Variants in SEZ6L observed in about 807,000 individuals in gnomAD.
The protein encoded by SEZ6L is seizure related 6 homolog like.
A neutral mutation model predicts 106.2 loss-of-function variants in SEZ6L; 37 were observed. The observed-to-expected ratio is 0.35, with a 90% CI of 0.27 to 0.46. SEZ6L has a LOEUF of 0.46. Among genes scored for constraint, SEZ6L ranks in the 20% least tolerant of loss-of-function variants. The pLI, the probability that SEZ6L is intolerant of heterozygous loss-of-function variation, is 1.00. For synonymous variants in SEZ6L, 541 were observed against 570.4 expected, an observed-to-expected ratio of 0.95 and a Z score of 0.73; for missense variants, 1,172 against 1,332.8, an observed-to-expected ratio of 0.88 and a Z score of 1.88.
intron 1 of SEZ6L, among the ~76,000 whole-genome samples, chr22:26,223,498 C>G (rs1348318464): frequency 1.3e-5 from 2 of 152,140 alleles, no homozygotes; most frequent in South Asian, 2.1e-4. Context: ...GGCTCCTCAG[C>G]CTCCCCTTCA....
At chr22:26,206,689 A>G (rs1941289033) in intron 1 of SEZ6L, among the ~76,000 whole-genome samples, 1 of 152,228 alleles carries the variant, frequency 6.6e-6, no homozygotes, top group Non-Finnish European at 1.5e-5. Context: ...AGACATCCAT[A>G]ATATATTACC....
intron 1 of SEZ6L, among the ~76,000 whole-genome samples, chr22:26,253,026 C>T (rs1452542312): frequency 6.6e-6 from 1 of 152,206 alleles, no homozygotes; most frequent in African/African-American, 2.4e-5. Flanking sequence ...TCTTCGGGGC[C>T]TACCTCTGGG....
intron 10 of SEZ6L, among the ~76,000 whole-genome samples, chr22:26,340,893 G>A (rs1248196487): frequency 6.6e-6 from 1 of 152,002 alleles, no homozygotes; most frequent in African/African-American, 2.4e-5. Flanking sequence ...TCTGTAAGAT[G>A]GGCATAGTGA....
chr22:26,184,717 A>G (rs557936486), intron 1 of SEZ6L, among the ~76,000 whole-genome samples: 2 of 152,284 alleles, frequency 1.3e-5, no homozygotes, highest in South Asian at 2.1e-4. Flanking sequence ...GGATCATTCA[A>G]TGTTTGCATA....
chr22:26,295,536 G>A (rs1040809838), intron 3 of SEZ6L, among the ~76,000 whole-genome samples: 1 of 152,170 alleles, frequency 6.6e-6, no homozygotes, highest in African/African-American at 2.4e-5. Context: ...TTGCACAAGT[G>A]TGTGGCACAT....
chr22:26,372,692 CT>C (rs2084079305), intron 13 of SEZ6L, among the ~76,000 whole-genome samples: 1 of 152,108 alleles, frequency 6.6e-6, no homozygotes, highest in Admixed American at 6.6e-5. Flanking sequence ...TATTTTTGTG[CT>C]TAGCTACCAT....
At chr22:26,210,876 G>A (rs894663923) in intron 1 of SEZ6L, among the ~76,000 whole-genome samples, 2 of 152,198 alleles carry the variant, frequency 1.3e-5, no homozygotes, top group African/African-American at 4.8e-5. Context: ...CAATTCCAAT[G>A]TCAGGCATCC....
chr22:26,246,583 G>A (rs1180874169), intron 1 of SEZ6L, among the ~76,000 whole-genome samples: 2 of 151,230 alleles, frequency 1.3e-5, no homozygotes, highest in East Asian at 2.0e-4. Context: ...AAAAAAAAAA[G>A]GTATTTCCAA....
rs1051026086 is a variant in SEZ6L, at chr22:26,313,384, G to A, written c.1877-380G>A. Among the ~76,000 whole-genome samples the A allele has an allele frequency of 5.3e-5, 8 of 152,168 alleles. No individual in the cohort carries two copies. The East Asian group carries it at 9.7e-4, about 18-fold the overall frequency. On this transcript the variant is annotated intron_variant, in intron 8 of 16. Coordinates refer to ENST00000248933, the MANE Select transcript of SEZ6L (RefSeq NM_021115.5). ...AGCAGAGGCAAGATTGGGACCCCGG[G>A]ACCACCTAACTTGAGTGGGCGGTCT... is the stretch of plus-strand genomic sequence containing the variant.
Position 26,313,711 on chromosome 22 carries a change from C to T in SEZ6L, c.1877-53C>T, listed in dbSNP as rs2081915281. The stretch of plus-strand genomic sequence containing the variant: ...GCCCACATGGTTAGCCGCTATGCCA[C>T]ATTGACTTCTTTACAAATAAAGTCC... On this transcript the variant is annotated intron_variant, in intron 8 of 16. Transcript: ENST00000248933. The T allele has an allele frequency of 3.2e-6, 5 of 1,585,914 alleles. No homozygotes were observed. The East Asian group carries it at 1.1e-4, about 36-fold the overall frequency.
At position 26,264,026 on chromosome 22, in the gene SEZ6L, C is replaced by G. The variant is rs117233673; in HGVS notation, c.95-28380C>G. Among the ~76,000 whole-genome samples, 103 of 152,274 alleles carry G rather than the reference C, an allele frequency of 6.8e-4. 1 individual carries two copies. The East Asian group carries it at 0.018, about 27-fold the overall frequency. ...GTCCCCTCTACCTCACGTGTGAAAC[C>G]CCCCATTGCTTTTGACAGAGCATCT... On this transcript the variant is annotated intron_variant, in intron 1 of 16. Coordinates refer to ENST00000248933, the MANE Select transcript of SEZ6L (RefSeq NM_021115.5).
intron 1 of SEZ6L, among the ~76,000 whole-genome samples, chr22:26,237,259 C>A (rs138600059): frequency 2.0e-5 from 3 of 152,340 alleles, no homozygotes; most frequent in Admixed American, 2.0e-4. Flanking sequence ...CTCTAATTCA[C>A]GTTAGCCACT....
At chr22:26,330,798 C>G (rs1345733909) in intron 9 of SEZ6L, among the ~76,000 whole-genome samples, 2 of 152,110 alleles carry the variant, frequency 1.3e-5, no homozygotes, top group Non-Finnish European at 2.9e-5. Context: ...TGGCTTACTC[C>G]AGCCAAAATA....
intron 13 of SEZ6L, among the ~76,000 whole-genome samples, chr22:26,369,338 G>GTCCTTTTTTTTTTTTTTTTTTTTTTTTT (rs2083927308): frequency 3.6e-5 from 3 of 83,616 alleles, no homozygotes; most frequent in African/African-American, 2.2e-4. Context: ...TATATAAGCA[G>GTCCTTTTTTTTTTTTTTTTTTTTTTTTT]TTCTTTTGTT....
intron 12 of SEZ6L, among the ~76,000 whole-genome samples, chr22:26,362,640 AT>A (rs1262557443): frequency 6.6e-6 from 1 of 152,196 alleles, no homozygotes; most frequent in Non-Finnish European, 1.5e-5. Context: ...ATTGCTGGGC[AT>A]GAAGTAAGCA....
intron 9 of SEZ6L, among the ~76,000 whole-genome samples, chr22:26,337,332 C>A (rs987711558): frequency 6.6e-6 from 1 of 152,174 alleles, no homozygotes; most frequent in African/African-American, 2.4e-5. Flanking sequence ...GCTGCTACTG[C>A]GTTTTGGCCA....
At position 26,310,822 on chromosome 22, in the gene SEZ6L, A is replaced by G. The variant is rs1234308062; in HGVS notation, c.1667A>G (p.Asn556Ser). 6.2e-7 allele frequency: 1 copy of G among 1,613,804 alleles called. No homozygotes were observed. The highest frequency in any genetic ancestry group is 8.5e-7 in the Non-Finnish European group (1 of 1,179,958). ...SDQARAASTF[N>S]IRFEAFEKGH... ...CAGGCCCGGGCGGCCTCCACCTTCA[A>G]CATCCGATTTGAAGGTGAGGGTCCC... The change falls in exon 7 of 17, where the codon AAC (asparagine) becomes AGC (serine). Residue 556 changes from asparagine to serine, a missense_variant. By Grantham distance (46) the Asn-to-Ser change is conservative (BLOSUM62 1). Around this residue, in one of 4 missense-constraint regions of SEZ6L, gnomAD observed 534 missense variants for 691.0 expected, o/e 0.77. Transcript: ENST00000248933.
intron 1 of SEZ6L, among the ~76,000 whole-genome samples, chr22:26,179,179 A>T (rs1161470486): frequency 2.6e-5 from 4 of 152,206 alleles, no homozygotes. Context: ...ACTTGAGGCC[A>T]GGAGCTCTAG....
At chr22:26,262,209 G>GAT (rs201188468) in intron 1 of SEZ6L, among the ~76,000 whole-genome samples, 1 of 147,288 alleles carries the variant, frequency 6.8e-6, no homozygotes, top group Non-Finnish European at 1.5e-5. Context: ...ATATATAAAA[G>GAT]ATATATATAT....
Sources: gnomAD v4.1 joint callset for allele counts (sites outside exome capture counted in the v4.1 genomes callset) on GRCh38, gnomAD v4.1.1 for gene constraint, gnomAD v4.1.1 regional missense constraint, MANE v1.5 for transcripts, NCBI Gene and HGNC (gene_info 2026-07-23, HGNC 2026-07-21) for gene names.